SRPK2: variants seen among roughly 807,000 people sequenced by gnomAD.
SRPK2 encodes SRSF protein kinase 2.
SRPK2 carries 21 observed loss-of-function variants against 90.8 expected under a neutral mutation model. The ratio of observed to expected loss-of-function variants is 0.23; its 90% CI spans 0.16 to 0.33. The LOEUF is 0.33. Among genes scored for constraint, SRPK2 ranks in the 10% least tolerant of loss-of-function variants. SRPK2 has a pLI of 1.00. For missense variants in SRPK2, 620 were observed against 869.0 expected (o/e 0.71, Z 3.60); for synonymous variants, 288 against 311.1 (o/e 0.93, Z 0.78).
intron 2 of SRPK2, among the ~76,000 whole-genome samples, chr7:105,361,492 A>T (rs1320634225): frequency 6.6e-6 from 1 of 152,200 alleles, no homozygotes; most frequent in East Asian, 1.9e-4. Flanking sequence ...TTCATACGGA[A>T]CCAAAAAAGA....
At chr7:105,149,510 C>T (rs922135584) in intron 7 of SRPK2, among the ~76,000 whole-genome samples, 3 of 152,144 alleles carry the variant, frequency 2.0e-5, no homozygotes, top group South Asian at 2.1e-4. Flanking sequence ...ACTCAGAGAC[C>T]GGTGCCGGTG....
chr7:105,139,833 A>T (rs1371696768), intron 11 of SRPK2, among the ~76,000 whole-genome samples: 1 of 152,010 alleles, frequency 6.6e-6, no homozygotes, highest in South Asian at 2.1e-4. Context: ...CAAGGCTCAG[A>T]CAGGGTAAGA....
At chr7:105,374,825 T>A (rs1037327113) in intron 2 of SRPK2, among the ~76,000 whole-genome samples, 12 of 152,072 alleles carry the variant, frequency 7.9e-5, no homozygotes, top group Non-Finnish European at 1.6e-4. Context: ...GCTAGGCTGG[T>A]CTCAAACTCC....
At chr7:105,283,925 C>T (rs187085825) in intron 2 of SRPK2, among the ~76,000 whole-genome samples, 2 of 152,104 alleles carry the variant, frequency 1.3e-5, no homozygotes, top group East Asian at 1.9e-4. Context: ...AGAAAGTCAA[C>T]GCTATAGTGA....
intron 2 of SRPK2, among the ~76,000 whole-genome samples, chr7:105,286,290 G>A (rs1808093538): frequency 6.6e-6 from 1 of 152,172 alleles, no homozygotes; most frequent in African/African-American, 2.4e-5. Flanking sequence ...CAGACTTCAA[G>A]TTTATAATCT....
At chr7:105,187,755 G>A (rs759481528) in intron 3 of SRPK2, among the ~76,000 whole-genome samples, 3 of 152,138 alleles carry the variant, frequency 2.0e-5, no homozygotes, top group Non-Finnish European at 4.4e-5. Context: ...AAAGTCTCAT[G>A]GTGAATATGC....
At position 105,262,666 on chromosome 7, in the gene SRPK2, C is replaced by A. The variant is rs1356947193; in HGVS notation, c.72-58881G>T. 2.6e-5 allele frequency among the ~76,000 whole-genome samples: 4 copies of A among 152,100 alleles called. No homozygotes were observed. The East Asian group carries it at 7.7e-4, about 29-fold the overall frequency. On this transcript the variant is annotated intron_variant, in intron 2 of 15. Coordinates refer to ENST00000393651, the MANE Select transcript of SRPK2 (RefSeq NM_182692.3). Reference sequence around the variant, plus strand: ...AAGCAGTGCCTCCAACAACAACACCCTAGGGTCACTTACTGGTCTATGCTT... The same window carrying A: ...AAGCAGTGCCTCCAACAACAACACCATAGGGTCACTTACTGGTCTATGCTT...
chr7:105,388,716 G>C lies in SRPK2; in HGVS notation c.17-14C>G. 1.9e-6 allele frequency: 3 copies of C among 1,573,636 alleles called. No homozygotes were observed. The highest frequency in any genetic ancestry group is 2.6e-6 in the Non-Finnish European group (3 of 1,158,834). Reference sequence around the variant, plus strand: ...GAATGGCCAGCACTGGGGAAGAGAAGACACACATTAACGGTCGGGCCGCCC... The same window carrying C: ...GAATGGCCAGCACTGGGGAAGAGAACACACACATTAACGGTCGGGCCGCCC... On this transcript the variant is annotated splice_polypyrimidine_tract_variant and intron_variant, in intron 1 of 15. Coordinates refer to ENST00000393651, the MANE Select transcript of SRPK2 (RefSeq NM_182692.3).
At chr7:105,332,480 T>G (rs945952791) in intron 2 of SRPK2, among the ~76,000 whole-genome samples, 2 of 152,192 alleles carry the variant, frequency 1.3e-5, no homozygotes, top group Admixed American at 6.5e-5. Context: ...GCTCACTTTG[T>G]AGGCCAGGCG....
At chr7:105,267,634 A>G (rs1805273898) in intron 2 of SRPK2, among the ~76,000 whole-genome samples, 2 of 152,214 alleles carry the variant, frequency 1.3e-5, no homozygotes, top group South Asian at 4.1e-4. Context: ...TGATGCCCTA[A>G]GTTAGAGCCA....
intron 2 of SRPK2, among the ~76,000 whole-genome samples, chr7:105,376,869 A>C (rs1585965494): frequency 3.1e-5 from 2 of 64,702 alleles, no homozygotes; most frequent in Admixed American, 2.3e-4. Context: ...AATAAAAAGC[A>C]CCTTTTCTCC....
At chr7:105,345,788 C>T (rs1354569034) in intron 2 of SRPK2, among the ~76,000 whole-genome samples, 2 of 152,224 alleles carry the variant, frequency 1.3e-5, no homozygotes, top group African/African-American at 2.4e-5. Context: ...TTTCCATTAT[C>T]ATAGCCATCA....
chr7:105,118,712 G>A (rs192929518), intron 15 of SRPK2, among the ~76,000 whole-genome samples: 192 of 152,242 alleles, frequency 1.3e-3, no homozygotes, highest in African/African-American at 4.4e-3. Context: ...GAGCCCATGA[G>A]TTTCAGACCA....
chr7:105,276,479 T>C (rs1051945846), intron 2 of SRPK2, among the ~76,000 whole-genome samples: 2 of 151,604 alleles, frequency 1.3e-5, no homozygotes, highest in African/African-American at 2.4e-5. Context: ...GGCTCACACA[T>C]GTAATCCCAA....
chr7:105,245,056 C>CACACACACACACAT, intron 2 of SRPK2: 1 of 655,318 alleles, frequency 1.5e-6, no homozygotes, highest in Non-Finnish European at 2.8e-6. Flanking sequence ...CACACACACA[C>CACACACACACACAT]ACACACACAC....
intron 2 of SRPK2, among the ~76,000 whole-genome samples, chr7:105,335,134 G>C (rs1375136035): frequency 6.6e-6 from 1 of 152,150 alleles, no homozygotes; most frequent in Admixed American, 6.5e-5. Flanking sequence ...TCGCACCAAT[G>C]CACTCCAGCC....
chr7:105,318,149 C>A (rs1200812596), intron 2 of SRPK2, among the ~76,000 whole-genome samples: 2 of 152,204 alleles, frequency 1.3e-5, no homozygotes, highest in Non-Finnish European at 2.9e-5. Context: ...GGCTTGAATG[C>A]AGTGGTGTGA....
Position 105,282,575 on chromosome 7 carries a change from G to A in SRPK2, c.72-78790C>T, listed in dbSNP as rs373528759. 2.0e-4 allele frequency among the ~76,000 whole-genome samples: 31 copies of A among 152,322 alleles called. No homozygotes were observed. The East Asian group carries it at 4.6e-3, about 23-fold the overall frequency. ...CTCTGTGCATTGGGAGGCCAAGGTG[G>A]GCGGATCACTTGAGGCAAGCCTGCC... On this transcript the variant is annotated intron_variant, in intron 2 of 15. Coordinates refer to ENST00000393651, the MANE Select transcript of SRPK2 (RefSeq NM_182692.3).
At chr7:105,299,761 G>A (rs1810296971) in intron 2 of SRPK2, among the ~76,000 whole-genome samples, 3 of 152,100 alleles carry the variant, frequency 2.0e-5, no homozygotes, top group Admixed American at 1.3e-4. Context: ...AGGTGTGGTG[G>A]AGGGTGCCTG....
Sources: allele counts gnomAD v4.1 joint callset (sites outside exome capture counted in the v4.1 genomes callset), GRCh38; gene constraint gnomAD v4.1.1; transcripts MANE v1.5; gene names NCBI Gene and HGNC (gene_info 2026-07-23, HGNC 2026-07-21).